TGFB2: variants seen among roughly 807,000 people sequenced by gnomAD.
TGFB2 encodes the protein transforming growth factor beta-2 proprotein.
A neutral mutation model predicts 42.7 loss-of-function variants in TGFB2; 13 were observed. The observed-to-expected ratio is 0.30, with a 90% CI of 0.20 to 0.48. The LOEUF (loss-of-function observed/expected upper bound fraction) is 0.48, where lower values mean the gene tolerates loss of function less well. TGFB2 is among the 20% of genes least tolerant of loss of function. The pLI, the probability that TGFB2 is intolerant of heterozygous loss-of-function variation, is 0.99. For missense variants in TGFB2, 390 were observed against 517.5 expected (o/e 0.75, Z 2.39); for synonymous variants, 193 against 193.6 (o/e 1.00, Z 0.03).
intron 2 of TGFB2, among the ~76,000 whole-genome samples, chr1:218,426,809 G>A (rs1020000492): frequency 6.6e-6 from 1 of 152,130 alleles, no homozygotes; most frequent in African/African-American, 2.4e-5. Flanking sequence ...AAATATATAT[G>A]TATGTACATA....
chr1:218,346,675 C>A lies in TGFB2; in HGVS notation c.-27C>A. On this transcript the variant is annotated 5_prime_UTR_variant, in exon 1 of 7. Transcript: ENST00000366930. The surrounding 1 kb of genome is among the most constrained non-coding windows in gnomAD (Gnocchi z 4.9). The stretch of plus-strand genomic sequence containing the variant: ...TTTTTTTTATTCTGACTTTTAAAAA[C>A]AACTTTTTTTTCCACTTTTTTAAAA... 6.4e-7 allele frequency: 1 copy of A among 1,555,966 alleles called. No individual in the cohort carries two copies. Among genetic ancestry groups the A allele is most frequent in the Non-Finnish European group, 8.7e-7 (1 of 1,150,482 alleles).
intron 1 of TGFB2, among the ~76,000 whole-genome samples, chr1:218,359,034 A>G (rs2102541384): frequency 6.6e-6 from 1 of 152,278 alleles, no homozygotes; most frequent in East Asian, 1.9e-4. Flanking sequence ...ATGTTTCTAC[A>G]TTCAAGTTCA....
Position 218,441,683 on chromosome 1 carries a change from GACAACA to G in TGFB2, c.*338_*343del, listed in dbSNP as rs11118106. ...TATTAGTGTTAATTATGTGAACAACGACAACAACAACAACAACAACAAACAGGAAAA... is the reference window on the plus strand; with the variant it reads ...TATTAGTGTTAATTATGTGAACAACGACAACAACAACAACAAACAGGAAAA... On this transcript the variant is annotated 3_prime_UTR_variant, in exon 7 of 7. Coordinates refer to ENST00000366930, the MANE Select transcript of TGFB2 (RefSeq NM_003238.6). The G allele has an allele frequency of 3.6e-3, 693 of 193,696 alleles. 12 individuals carry two copies. Among genetic ancestry groups the G allele is most frequent in the African/African-American group, 0.016 (660 of 42,246 alleles). The allele number at this position is 193,696 out of a possible 1,614,324, so 12.0% of individuals were successfully genotyped here. A position where few individuals can be genotyped will look rare whatever the true frequency, so the allele number is the denominator to read the frequency against.
At chr1:218,404,412 C>T (rs539654242) in intron 1 of TGFB2, among the ~76,000 whole-genome samples, 9 of 152,172 alleles carry the variant, frequency 5.9e-5, no homozygotes, top group African/African-American at 1.7e-4. Flanking sequence ...CCACTGTGCC[C>T]GTCCTTCCCA....
rs868719468 is a variant in TGFB2, at chr1:218,413,576, A to G, written c.510+8244A>G. On this transcript the variant is annotated intron_variant, in intron 2 of 6. Transcript: ENST00000366930. ...CCTCTCTCTACAGAAAACTGTCAAG[A>G]CTTTGGCAAGTGAAAGTACAGATGG... Among the ~76,000 whole-genome samples the G allele has an allele frequency of 2.0e-5, 3 of 152,324 alleles. No individual in the cohort carries two copies. The South Asian group carries it at 6.2e-4, about 32-fold the overall frequency.
intron 2 of TGFB2, among the ~76,000 whole-genome samples, chr1:218,414,230 C>T (rs969843607): frequency 9.2e-5 from 8 of 86,666 alleles, no homozygotes; most frequent in Admixed American, 1.6e-4. Flanking sequence ...CACATGTGCA[C>T]ACACACACAC....
At chr1:218,430,394 C>T (rs76266060) in intron 2 of TGFB2, among the ~76,000 whole-genome samples, 3 of 128,016 alleles carry the variant, frequency 2.3e-5, no homozygotes, top group African/African-American at 8.7e-5. Context: ...GACCCTGTCT[C>T]AAAAAAAAAA....
At chr1:218,392,145 A>T (rs1658334798) in intron 1 of TGFB2, among the ~76,000 whole-genome samples, 1 of 152,160 alleles carries the variant, frequency 6.6e-6, no homozygotes, top group African/African-American at 2.4e-5. Context: ...AGGTCAAGAG[A>T]TCGAGACCAT....
chr1:218,386,664 G>A (rs111884141), intron 1 of TGFB2, among the ~76,000 whole-genome samples: 1,777 of 152,264 alleles, frequency 0.012, 36 homozygotes, highest in African/African-American at 0.041. Context: ...CAGAGAAAGG[G>A]AGGGCTTCCA....
chr1:218,356,250 C>A (rs963633765), intron 1 of TGFB2, among the ~76,000 whole-genome samples: 1 of 151,708 alleles, frequency 6.6e-6, no homozygotes, highest in Non-Finnish European at 1.5e-5. Flanking sequence ...GACAGTCTCA[C>A]TCTGTTGCCC....
chr1:218,358,649 T>G (rs1221264228), intron 1 of TGFB2, among the ~76,000 whole-genome samples: 1 of 150,924 alleles, frequency 6.6e-6, no homozygotes, highest in African/African-American at 2.4e-5. Flanking sequence ...CCGGGGTTCA[T>G]GCCATTCTTC....
At chr1:218,406,338 A>AT (rs150055803) in intron 2 of TGFB2, among the ~76,000 whole-genome samples, 20,468 of 151,968 alleles carry the variant, frequency 0.13, 1,851 homozygotes, top group African/African-American at 0.26. Flanking sequence ...ACTTGCTGAG[A>AT]TTTTCAGAGA....
Position 218,403,084 on chromosome 1 carries a change from AC to A in TGFB2, c.347-2083del, listed in dbSNP as rs570040572. Among the ~76,000 whole-genome samples, 36 of 152,344 alleles carry A rather than the reference AC, an allele frequency of 2.4e-4. No individual in the cohort carries two copies. The South Asian group carries it at 7.0e-3, about 30-fold the overall frequency. ...GGGCTCCAAAAGCCTTTCTGCGTGC[AC>A]CAGTGCCCCCTGGCCTGGAAGCCGC... On this transcript the variant is annotated intron_variant, in intron 1 of 6. Transcript: ENST00000366930.
chr1:218,363,444 T>C, intron 1 of TGFB2: 2 of 1,595,384 alleles, frequency 1.3e-6, no homozygotes, highest in Non-Finnish European at 1.7e-6. Context: ...GCTTTATTCC[T>C]CGTTTGACAT....
In TGFB2 at chr1:218,360,700, G is replaced by A. The variant is rs1233560766; in HGVS notation, c.346+13653G>A. 2.6e-5 allele frequency among the ~76,000 whole-genome samples: 4 copies of A among 152,254 alleles called. No individual in the cohort carries two copies. The South Asian group carries it at 6.2e-4, about 24-fold the overall frequency. ...TAAAATAAAATTTAAAATAAAAAAAGTTATGTTTGTAAGACTATAAATGCC... is the reference window on the plus strand; with the variant it reads ...TAAAATAAAATTTAAAATAAAAAAAATTATGTTTGTAAGACTATAAATGCC... On this transcript the variant is annotated intron_variant, in intron 1 of 6. Coordinates refer to ENST00000366930, the MANE Select transcript of TGFB2 (RefSeq NM_003238.6).
At chr1:218,379,293 T>G (rs941602492) in intron 1 of TGFB2, among the ~76,000 whole-genome samples, 1 of 151,548 alleles carries the variant, frequency 6.6e-6, no homozygotes, top group Non-Finnish European at 1.5e-5. Flanking sequence ...CCACCACACC[T>G]GGCTAATTTT....
chr1:218,353,975 A>G (rs1656952016), intron 1 of TGFB2, among the ~76,000 whole-genome samples: 1 of 152,146 alleles, frequency 6.6e-6, no homozygotes, highest in South Asian at 2.1e-4. Flanking sequence ...TCCTAGTCTT[A>G]TTTAATTAGC....
At chr1:218,421,277 T>G (rs1179680218) in intron 2 of TGFB2, among the ~76,000 whole-genome samples, 1 of 152,144 alleles carries the variant, frequency 6.6e-6, no homozygotes, top group Non-Finnish European at 1.5e-5. Flanking sequence ...AATACAGTAT[T>G]AAATTGCTTA....
chr1:218,441,431 G>A lies in TGFB2; in HGVS notation c.*69G>A. 1 of 1,494,238 alleles carries A rather than the reference G, an allele frequency of 6.7e-7. No homozygotes were observed. The highest frequency in any genetic ancestry group is 9.0e-7 in the Non-Finnish European group (1 of 1,117,118). The allele number at this position is 1,494,238 out of a possible 1,614,324, so 92.6% of individuals were successfully genotyped here. A position where few individuals can be genotyped will look rare whatever the true frequency, so the allele number is the denominator to read the frequency against. ...TAATGATGATGACGACGACAACGAT[G>A]ATGCTTGTAACAAGAAAACATAAGA... On this transcript the variant is annotated 3_prime_UTR_variant, in exon 7 of 7. Coordinates refer to ENST00000366930, the MANE Select transcript of TGFB2 (RefSeq NM_003238.6).
Sources: gnomAD v4.1 joint callset for allele counts (sites outside exome capture counted in the v4.1 genomes callset) on GRCh38, gnomAD v4.1.1 for gene constraint, Gnocchi (gnomAD v3.1) non-coding constraint, MANE v1.5 for transcripts, NCBI Gene and HGNC (gene_info 2026-07-23, HGNC 2026-07-21) for gene names.